SCAMP1: variants seen among roughly 807,000 people sequenced by gnomAD.
SCAMP1 encodes secretory carrier-associated membrane protein 1.
In SCAMP1, 15 loss-of-function variants were observed where a neutral mutation model predicts 41.8. The observed-to-expected ratio is 0.36, with a 90% confidence interval of 0.24 to 0.55. The LOEUF is 0.55. Among genes scored for constraint, SCAMP1 ranks in the 20% least tolerant of loss-of-function variants. The pLI, the probability that SCAMP1 is intolerant of heterozygous loss-of-function variation, is 0.86. For synonymous variants in SCAMP1, 135 were observed against 136.8 expected (o/e 0.99, Z 0.09); for missense variants, 341 against 412.6 (o/e 0.83, Z 1.50).
intron 8 of SCAMP1, among the ~76,000 whole-genome samples, chr5:78,460,810 TTC>T (rs1753583292): frequency 2.3e-4 from 11 of 47,708 alleles, no homozygotes; most frequent in South Asian, 6.9e-4. Context: ...CCTTCCTCCC[TTC>T]CTTCCTTCCT....
chr5:78,476,148 A>T lies in SCAMP1; in HGVS notation c.*480A>T, dbSNP rs1753999445. ...AATTGGCTTGCTTTTTAGCTGTTTC[A>T]GTCACCAGTGAAGAGCCTATGTGCA... On this transcript the variant is annotated 3_prime_UTR_variant, in exon 9 of 9. Transcript: ENST00000621999. The T allele has an allele frequency of 6.6e-6, 1 of 152,594 alleles. No individual in the cohort carries two copies. The highest frequency in any genetic ancestry group is 1.5e-5 in the Non-Finnish European group (1 of 68,018). 9.5% of individuals were successfully genotyped at this position (152,594 alleles called of 1,614,324 possible).
intron 1 of SCAMP1, 102 bp downstream of exon 1, chr5:78,360,830 TAGC>T (rs1580632979): frequency 1.6e-6 from 2 of 1,212,510 alleles, no homozygotes. Context: ...CGGCTCCCCT[TAGC>T]AGCCCAGAGA....
At chr5:78,450,541 T>TTC (rs1424485401) in intron 7 of SCAMP1, among the ~76,000 whole-genome samples, 1 of 152,216 alleles carries the variant, frequency 6.6e-6, no homozygotes, top group Non-Finnish European at 1.5e-5. Context: ...TCATGGCTCA[T>TTC]TCAGTGGGGG....
At chr5:78,433,567 C>G (rs1718196860) in intron 6 of SCAMP1, among the ~76,000 whole-genome samples, 1 of 152,086 alleles carries the variant, frequency 6.6e-6, no homozygotes, top group Non-Finnish European at 1.5e-5. Context: ...CTCAGTACCT[C>G]AGAGACTTCA....
chr5:78,419,597 C>T (rs571320332), intron 5 of SCAMP1, among the ~76,000 whole-genome samples: 10 of 152,276 alleles, frequency 6.6e-5, no homozygotes, highest in Admixed American at 6.5e-4. Context: ...AAACAGTAGT[C>T]TCAGCCTCAT....
chr5:78,429,258 A>G (rs1040240907), intron 6 of SCAMP1, among the ~76,000 whole-genome samples: 2 of 150,972 alleles, frequency 1.3e-5, no homozygotes, highest in Non-Finnish European at 3.0e-5. Context: ...ACCATTAAGG[A>G]TGATATTGAC....
chr5:78,441,990 G>C (rs62364271), intron 6 of SCAMP1, among the ~76,000 whole-genome samples: 42,926 of 152,008 alleles, frequency 0.28, 6,372 homozygotes, highest in East Asian at 0.54. Flanking sequence ...TTAGTCGGTT[G>C]TCATGGCATG....
intron 1 of SCAMP1, among the ~76,000 whole-genome samples, chr5:78,372,211 T>C (rs1306429996): frequency 6.6e-6 from 1 of 152,224 alleles, no homozygotes; most frequent in Non-Finnish European, 1.5e-5. Context: ...AATTCTTATA[T>C]GATAATTTGG....
chr5:78,476,247 A>C lies in SCAMP1; in HGVS notation c.*579A>C, dbSNP rs1256820300. 3 of 152,076 alleles carry C rather than the reference A, an allele frequency of 2.0e-5. No individual in the cohort carries two copies. Among genetic ancestry groups the C allele is most frequent in the African/African-American group, 7.2e-5 (3 of 41,386 alleles). 9.4% of individuals were successfully genotyped at this position (152,076 alleles called of 1,614,324 possible). ...TTAGAATAGCTGATATTTTGATAAC[A>C]ATCTCTAATTTGCATGGGCACCACA... On this transcript the variant is annotated 3_prime_UTR_variant, in exon 9 of 9. Coordinates refer to ENST00000621999, the MANE Select transcript of SCAMP1 (RefSeq NM_004866.6).
At chr5:78,369,312 G>A (rs1017142343) in intron 1 of SCAMP1, among the ~76,000 whole-genome samples, 19 of 152,042 alleles carry the variant, frequency 1.2e-4, no homozygotes, top group African/African-American at 4.6e-4. Flanking sequence ...TCACCATGTT[G>A]GCCAGGCTGG....
chr5:78,369,397 G>A (rs1370174362), intron 1 of SCAMP1, among the ~76,000 whole-genome samples: 2 of 152,058 alleles, frequency 1.3e-5, no homozygotes, highest in African/African-American at 2.4e-5. Flanking sequence ...GTGAGTCATC[G>A]TGCCCGGCCA....
chr5:78,436,205 C>T (rs1478125824), intron 6 of SCAMP1, among the ~76,000 whole-genome samples: 2 of 152,008 alleles, frequency 1.3e-5, no homozygotes, highest in Non-Finnish European at 1.5e-5. Context: ...TTTCTTTTGC[C>T]ATGCAGAAGC....
intron 6 of SCAMP1, among the ~76,000 whole-genome samples, chr5:78,428,172 G>A (rs1038445953): frequency 6.6e-6 from 1 of 152,072 alleles, no homozygotes; most frequent in Non-Finnish European, 1.5e-5. Context: ...TTTATCTCTT[G>A]TGTTTAGGTG....
At chr5:78,435,647 C>G (rs1359289335) in intron 6 of SCAMP1, among the ~76,000 whole-genome samples, 3 of 152,032 alleles carry the variant, frequency 2.0e-5, no homozygotes, top group Non-Finnish European at 4.4e-5. Flanking sequence ...TGGGTTTGTT[C>G]CAAGTCTTTG....
chr5:78,361,470 G>A (rs1350602433), intron 1 of SCAMP1, among the ~76,000 whole-genome samples: 1 of 152,176 alleles, frequency 6.6e-6, no homozygotes, highest in African/African-American at 2.4e-5. Context: ...GTGCGTCACC[G>A]GTTCTCTGGG....
chr5:78,369,113 T>A (rs932919490), intron 1 of SCAMP1, among the ~76,000 whole-genome samples: 16 of 151,800 alleles, frequency 1.1e-4, no homozygotes, highest in African/African-American at 3.9e-4. Flanking sequence ...ACACAATTTT[T>A]TTTTTTTTTT....
rs1752270725 is a variant in SCAMP1 at position 78,418,881 on chromosome 5, G to A, written c.450G>A (p.Lys150=). 1 of 1,574,244 alleles carries A rather than the reference G, an allele frequency of 6.4e-7. No individual in the cohort carries two copies. Residue 150 remains lysine (K), a synonymous_variant, in exon 5 of 9, where the codon AAG becomes AAA. Coordinates refer to ENST00000621999, the MANE Select transcript of SCAMP1 (RefSeq NM_004866.6). ...CTGTAGAATTCCAAAAGACAGTAAAGCTTATGTACTACTTGTGGATGTGTG... is the reference window on the plus strand; with the variant it reads ...CTGTAGAATTCCAAAAGACAGTAAAACTTATGTACTACTTGTGGATGTGTG... ...DIPVEFQKTV[K]LMYYLWMFHA...
intron 6 of SCAMP1, among the ~76,000 whole-genome samples, chr5:78,447,587 A>T (rs966772082): frequency 4.6e-5 from 7 of 152,172 alleles, no homozygotes; most frequent in African/African-American, 9.7e-5. Context: ...ATGATATTTT[A>T]AAAAATTAAC....
intron 6 of SCAMP1, among the ~76,000 whole-genome samples, chr5:78,440,329 C>T (rs1752886877): frequency 6.6e-6 from 1 of 152,170 alleles, no homozygotes; most frequent in East Asian, 1.9e-4. Context: ...GGTTTCTCCC[C>T]ATCTTTGTGG....
Sources: gnomAD v4.1 joint callset for allele counts (sites outside exome capture counted in the v4.1 genomes callset) on GRCh38, gnomAD v4.1.1 for gene constraint, MANE v1.5 for transcripts, NCBI Gene and HGNC (gene_info 2026-07-23, HGNC 2026-07-21) for gene names.